CPT1C: variants seen among roughly 807,000 people sequenced by gnomAD.
The protein encoded by CPT1C is carnitine palmitoyltransferase 1C.
CPT1C carries 61 observed loss-of-function variants against 97.3 expected under a neutral mutation model. The observed-to-expected ratio is 0.63, with a 90% CI of 0.51 to 0.78. CPT1C has a LOEUF of 0.78. Ranked by LOEUF, CPT1C falls within the 30% of genes least tolerant of loss-of-function variation. The probability of loss-of-function intolerance (pLI) is 0.00; values close to 1 mark genes in which losing one functional copy is unlikely to be tolerated. For synonymous variants in CPT1C, 469 were observed against 447.2 expected, an observed-to-expected ratio of 1.05 and a Z score of -0.61; for missense variants, 975 against 1,065.5, an observed-to-expected ratio of 0.92 and a Z score of 1.18.
intron 4 of CPT1C, among the ~76,000 whole-genome samples, chr19:49,698,483 T>G (rs528211534): frequency 2.0e-5 from 3 of 151,604 alleles, no homozygotes; most frequent in African/African-American, 7.3e-5. Flanking sequence ...GACAACATAG[T>G]GAAACCCCGT....
chr19:49,707,343 G>A (rs2083561884), intron 12 of CPT1C, among the ~76,000 whole-genome samples, 175 bp from the exon 13 acceptor site: 1 of 152,034 alleles, frequency 6.6e-6, no homozygotes, highest in Non-Finnish European at 1.5e-5. Context: ...GACATGTCTT[G>A]GAGACCTCCA....
chr19:49,712,853 A>G lies in CPT1C; in HGVS notation c.2133+4A>G, dbSNP rs2083993671. The G allele has an allele frequency of 6.8e-7, 1 of 1,461,200 alleles. No homozygotes were observed. Among genetic ancestry groups the G allele is most frequent in the Non-Finnish European group, 9.0e-7 (1 of 1,111,092 alleles). The allele number at this position is 1,461,200 out of a possible 1,614,324, so 90.5% of individuals were successfully genotyped here. A position where few individuals can be genotyped will look rare whatever the true frequency, so the allele number is the denominator to read the frequency against. Reference sequence around the variant, plus strand: ...CTCAGGCGGTGGATTCGGGCCTGTGAGTGGAGCTGGGCGCGCTGGCCCCCA... The same window carrying G: ...CTCAGGCGGTGGATTCGGGCCTGTGGGTGGAGCTGGGCGCGCTGGCCCCCA... On this transcript the variant is annotated splice_donor_region_variant and intron_variant, in intron 18 of 19. Coordinates refer to ENST00000598293, the MANE Select transcript of CPT1C (RefSeq NM_001199753.2).
At chr19:49,701,090 CGA>C (rs1186075022) in intron 5 of CPT1C, among the ~76,000 whole-genome samples, 1 of 104,478 alleles carries the variant, frequency 9.6e-6, no homozygotes, top group Non-Finnish European at 2.2e-5. Flanking sequence ...TCTCTACCCC[CGA>C]CTCTCTCTGG....
intron 2 of CPT1C, 44 bp downstream of exon 2, chr19:49,691,933 C>T: frequency 5.6e-6 from 2 of 357,920 alleles, no homozygotes; most frequent in Non-Finnish European, 1.0e-5. Flanking sequence ...CCTGGGTCGG[C>T]GCAAAAAGGC....
At chr19:49,702,393 G>A (rs866694259) in intron 7 of CPT1C, among the ~76,000 whole-genome samples, 1 of 150,736 alleles carries the variant, frequency 6.6e-6, no homozygotes, top group Non-Finnish European at 1.5e-5. Flanking sequence ...CAAGGCAGGC[G>A]GATCACGTGA....
chr19:49,701,455 G>C (rs199535134), intron 6 of CPT1C, 37 bp downstream of exon 6: 2 of 1,588,042 alleles, frequency 1.3e-6, no homozygotes, highest in Admixed American at 3.4e-5. Flanking sequence ...TGGGGCGGCC[G>C]GGGCGGGCCG....
intron 2 of CPT1C, 72 bp from the exon 3 acceptor site, chr19:49,692,167 G>A: frequency 6.5e-7 from 1 of 1,538,112 alleles, no homozygotes; most frequent in Non-Finnish European, 8.8e-7. Flanking sequence ...AGGAGGAGGG[G>A]CTGGGGGCCT....
Position 49,712,773 on chromosome 19 carries a change from T to C in CPT1C, c.2057T>C (p.Ile686Thr). 6.2e-7 allele frequency: 1 copy of C among 1,614,028 alleles called. No individual in the cohort carries two copies. Residue 686 changes from isoleucine to threonine, a missense_variant, in exon 18 of 20, where the codon ATC (isoleucine) becomes ACC (threonine). Physicochemically the swap from Ile to Thr is moderately conservative, Grantham distance 89 (BLOSUM62 -1). Coordinates refer to ENST00000598293, the MANE Select transcript of CPT1C (RefSeq NM_001199753.2). Reference protein sequence around the residue: ...SEQWQLSTSQIPVQQMHLFDV... With the variant: ...SEQWQLSTSQTPVQQMHLFDV... The stretch of plus-strand genomic sequence containing the variant: ...CAGTGGCAGCTGTCCACCAGCCAGA[T>C]CCCTGTTCAGCAAATGCATCTGTTT...
rs1045799752 is a variant in CPT1C, at chr19:49,704,706, C to T, written c.694-4C>T. The T allele has an allele frequency of 6.2e-7, 1 of 1,613,732 alleles. No homozygotes were observed. Among genetic ancestry groups the T allele is most frequent in the Non-Finnish European group, 8.5e-7 (1 of 1,179,788 alleles). ...CACTGTGTGTCTCCCCACCCCGCTC[C>T]CAGGTCAGTGACTGGTGGGAGGAAT... is the stretch of plus-strand genomic sequence containing the variant. On this transcript the variant is annotated splice_region_variant and splice_polypyrimidine_tract_variant and intron_variant, in intron 7 of 19. Coordinates refer to ENST00000598293, the MANE Select transcript of CPT1C (RefSeq NM_001199753.2).
chr19:49,712,532 A>G (rs1254597023), intron 17 of CPT1C: 2 of 576,716 alleles, frequency 3.5e-6, no homozygotes, highest in Non-Finnish European at 6.2e-6. Context: ...TCCGAGGGAG[A>G]AGAGGAGAGG....
rs1600161016 is a variant in CPT1C, at chr19:49,712,637, A to G, written c.2020-99A>G. 6 of 858,090 alleles carry G rather than the reference A, an allele frequency of 7.0e-6. No individual in the cohort carries two copies. The Admixed American group carries it at 1.2e-4, about 17-fold the overall frequency. The allele number at this position is 858,090 out of a possible 1,614,324, so 53.2% of individuals were successfully genotyped here. A position where few individuals can be genotyped will look rare whatever the true frequency, so the allele number is the denominator to read the frequency against. ...GTTAGGGAGAAGGAGGCCCGGATTT[A>G]CGGGTAAAAAAAAAGCCAGGGATGC... is the stretch of plus-strand genomic sequence containing the variant. On this transcript the variant is annotated intron_variant, in intron 17 of 19. Coordinates refer to ENST00000598293, the MANE Select transcript of CPT1C (RefSeq NM_001199753.2).
At position 49,710,388 on chromosome 19, in the gene CPT1C, C is replaced by T. The variant is rs371168897; in HGVS notation, c.1635C>T (p.Val545=). Residue 545 remains valine (V), a synonymous_variant, in exon 15 of 20, where the codon GTC becomes GTT. Transcript: ENST00000598293. The part of the protein sequence containing the change: ...KILSENVDCH[V]VPFSLFGKSF... ...TGTCTGAAAATGTCGACTGCCATGT[C>T]GTTCCATTCTCCCTATTTGGCAAGA... 3.0e-5 allele frequency: 49 copies of T among 1,614,028 alleles called. No individual in the cohort carries two copies. Among genetic ancestry groups the T allele is most frequent in the South Asian group, 2.1e-4 (19 of 91,084 alleles).
intron 4 of CPT1C, among the ~76,000 whole-genome samples, chr19:49,700,473 C>T (rs1376547135): frequency 6.6e-6 from 1 of 152,182 alleles, no homozygotes; most frequent in Non-Finnish European, 1.5e-5. Context: ...AAACACCTAC[C>T]AACTTCCATG....
chr19:49,697,500 A>G lies in CPT1C; in HGVS notation c.281+35A>G, dbSNP rs201357040. 189 of 1,605,192 alleles carry G rather than the reference A, an allele frequency of 1.2e-4. 3 individuals carry two copies. The South Asian group carries it at 1.8e-3, about 15-fold the overall frequency. On this transcript the variant is annotated intron_variant, in intron 4 of 19. Transcript: ENST00000598293. ...CCCCACTCCAGCCCAGTAACCCCCA[A>G]TCACTCTCCCTTCACCCAGTAAGTT...
In CPT1C at chr19:49,713,645, G is replaced by T; in HGVS notation, c.*40G>T. 6.4e-7 allele frequency: 1 copy of T among 1,563,314 alleles called. No individual in the cohort carries two copies. The highest frequency in any genetic ancestry group is 8.7e-7 in the Non-Finnish European group (1 of 1,152,696). On this transcript the variant is annotated 3_prime_UTR_variant, in exon 20 of 20. Coordinates refer to ENST00000598293, the MANE Select transcript of CPT1C (RefSeq NM_001199753.2). ...CAGCTGGCCTCTCCAAGGAATAAGG[G>T]TGAAATTGCCACAGCTGGCTGACAC...
Position 49,700,843 on chromosome 19 carries a change from C to T in CPT1C, c.441C>T (p.Thr147=). 1 of 1,612,634 alleles carries T rather than the reference C, an allele frequency of 6.2e-7. No individual in the cohort carries two copies. Among genetic ancestry groups the T allele is most frequent in the Non-Finnish European group, 8.5e-7 (1 of 1,180,012 alleles). ...CCCACGGAGCCATGTCCTCCCCCAC[C>T]AAGACCTGGCTGGTATGGGAGGGGC... ...LEPHGAMSSP[T]KTWLALVRIF... Residue 147 remains threonine, a synonymous_variant, in exon 5 of 20, where the codon ACC becomes ACT. Transcript: ENST00000598293.
chr19:49,698,989 G>A (rs1453021083), intron 4 of CPT1C, among the ~76,000 whole-genome samples: 1 of 152,028 alleles, frequency 6.6e-6, no homozygotes, highest in Non-Finnish European at 1.5e-5. Flanking sequence ...TGTAATCCCA[G>A]CTACTTGGGA....
intron 10 of CPT1C, 80 bp from the exon 11 acceptor site, chr19:49,705,829 T>G: frequency 7.6e-7 from 1 of 1,312,770 alleles, no homozygotes; most frequent in East Asian, 2.3e-5. Flanking sequence ...TGACGACACC[T>G]AAGAAGTATA....
At chr19:49,700,634 G>A in intron 4 of CPT1C, 50 bp from the exon 5 acceptor site, 7 of 1,583,636 alleles carry the variant, frequency 4.4e-6, no homozygotes, top group Non-Finnish European at 6.0e-6. Flanking sequence ...AAGGGAGGGA[G>A]GTTCTGAGGC....
Sources: gnomAD v4.1 joint callset for allele counts (sites outside exome capture counted in the v4.1 genomes callset) on GRCh38, gnomAD v4.1.1 for gene constraint, MANE v1.5 for transcripts, NCBI Gene and HGNC (gene_info 2026-07-23, HGNC 2026-07-21) for gene names.